The following PDE4D variants were observed in gnomAD, a reference collection of about 807,000 sequenced individuals.
PDE4D encodes phosphodiesterase 4D.
In PDE4D, 24 loss-of-function variants were observed where a neutral mutation model predicts 87.4. That is an observed-to-expected ratio of 0.27 (90% confidence interval 0.20 to 0.39). PDE4D has a LOEUF of 0.39. PDE4D is among the 10% of genes least tolerant of loss of function. PDE4D has a pLI of 1.00. For missense variants in PDE4D, 714 were observed against 1,041.0 expected (o/e 0.69, Z 4.32); for synonymous variants, 384 against 383.2 (o/e 1.00, Z -0.02).
Position 58,975,915 on chromosome 5 carries a change from T to C in PDE4D, c.1831-76A>G. The C allele has an allele frequency of 9.2e-7, 1 of 1,086,212 alleles. No homozygotes were observed. The highest frequency in any genetic ancestry group is 3.0e-5 in the Admixed American group (1 of 33,862). The allele number at this position is 1,086,212 out of a possible 1,614,324, so 67.3% of individuals were successfully genotyped here. A position where few individuals can be genotyped will look rare whatever the true frequency, so the allele number is the denominator to read the frequency against. On this transcript the variant is annotated intron_variant, in intron 13 of 14. Coordinates refer to ENST00000340635, the MANE Select transcript of PDE4D (RefSeq NM_001104631.2). The surrounding 1 kb of genome is among the most constrained non-coding windows in gnomAD (Gnocchi z 4.2). Reference sequence around the variant, plus strand: ...AAAAAAAACAAAAAAAACTAGAAATTCACATTGGATGACTGCAACACTTAA... The same window carrying C: ...AAAAAAAACAAAAAAAACTAGAAATCCACATTGGATGACTGCAACACTTAA...
rs868854906 is a variant in PDE4D at position 60,385,241 on chromosome 5, C to T, written c.-90+102701G>A. The stretch of plus-strand genomic sequence containing the variant: ...AATGTAGGAGGGTATGGAAGAATGG[C>T]AAGTATGGGAAGGAACAATACTGGT... On this transcript the variant is annotated intron_variant, in intron 1 of 16. Coordinates refer to the PDE4D transcript ENST00000502484. Among the ~76,000 whole-genome samples, 8 of 152,240 alleles carry T rather than the reference C, an allele frequency of 5.3e-5. 1 individual carries two copies. In the Middle Eastern group the frequency reaches 0.014, roughly 259 times the overall value.
upstream of PDE4D, among the ~76,000 whole-genome samples, chr5:60,488,600 T>C (rs115911710): frequency 9.9e-5 from 15 of 151,906 alleles, no homozygotes; most frequent in African/African-American, 3.6e-4. Context: ...GTACCTGAAA[T>C]AAACTTGAAA....
At chr5:59,910,391 C>T (rs1343280875) in intron 3 of PDE4D, among the ~76,000 whole-genome samples, 1 of 152,208 alleles carries the variant, frequency 6.6e-6, no homozygotes, top group African/African-American at 2.4e-5. Context: ...CTGAATTGCA[C>T]ATCGTCTACT....
At chr5:59,612,351 G>A (rs529582790) in intron 1 of PDE4D, among the ~76,000 whole-genome samples, 49 of 151,030 alleles carry the variant, frequency 3.2e-4, no homozygotes, top group Non-Finnish European at 6.3e-4. Flanking sequence ...TTGGATTATC[G>A]TATTTGAATA....
chr5:60,402,565 A>G (rs1741184986), intron 1 of PDE4D, among the ~76,000 whole-genome samples: 2 of 152,216 alleles, frequency 1.3e-5, no homozygotes. Flanking sequence ...AGCTTCTGGC[A>G]GTCCGTGGTT....
At chr5:59,182,144 G>C (rs1212075447) in intron 4 of PDE4D, among the ~76,000 whole-genome samples, 1 of 151,948 alleles carries the variant, frequency 6.6e-6, no homozygotes, top group Non-Finnish European at 1.5e-5. Flanking sequence ...AAAATGGTTG[G>C]GGGAAAAATG....
At chr5:59,710,143 C>A (rs1753999387) in intron 1 of PDE4D, among the ~76,000 whole-genome samples, 1 of 152,066 alleles carries the variant, frequency 6.6e-6, no homozygotes, top group Admixed American at 6.6e-5. Flanking sequence ...TGGCTCAGTG[C>A]CCAGGGAAGT....
intron 1 of PDE4D, among the ~76,000 whole-genome samples, chr5:59,371,395 A>G (rs1783912026): frequency 2.6e-5 from 4 of 152,200 alleles, no homozygotes; most frequent in Admixed American, 2.6e-4. Flanking sequence ...AGAGGCAGAG[A>G]GACAATGTCG....
intron 1 of PDE4D, among the ~76,000 whole-genome samples, chr5:60,432,477 T>C (rs1409977488): frequency 6.6e-6 from 1 of 152,178 alleles, no homozygotes; most frequent in Non-Finnish European, 1.5e-5. Flanking sequence ...CCTGGTTCAG[T>C]CTCGAGAGGT....
At chr5:60,439,920 A>AAC (rs1157940916) in intron 1 of PDE4D, among the ~76,000 whole-genome samples, 2 of 122,704 alleles carry the variant, frequency 1.6e-5, no homozygotes, top group African/African-American at 7.0e-5. Flanking sequence ...ATTGTTTAAA[A>AAC]AAAAAAACAA....
chr5:59,106,820 T>A (rs951160185), intron 5 of PDE4D, among the ~76,000 whole-genome samples: 9 of 152,278 alleles, frequency 5.9e-5, no homozygotes, highest in Admixed American at 2.0e-4. Context: ...TATACTACTT[T>A]GGAAAAAACA....
intron 1 of PDE4D, among the ~76,000 whole-genome samples, chr5:59,247,407 C>T (rs1032083896): frequency 3.9e-5 from 6 of 152,104 alleles, no homozygotes; most frequent in Admixed American, 3.9e-4. Context: ...AAAAGAGGCC[C>T]TGCCCATTGT....
chr5:59,460,609 C>T (rs1221982399), intron 1 of PDE4D, among the ~76,000 whole-genome samples: 2 of 152,300 alleles, frequency 1.3e-5, no homozygotes, highest in East Asian at 3.9e-4. Context: ...CCCAGCCCAT[C>T]TGGAGAGGCC....
At chr5:60,487,009 C>A (rs994098060) in intron 1 of PDE4D, among the ~76,000 whole-genome samples, 2 of 152,148 alleles carry the variant, frequency 1.3e-5, no homozygotes, top group African/African-American at 4.8e-5. Flanking sequence ...TAGGGGAAAT[C>A]AATAATGATT....
intron 6 of PDE4D, among the ~76,000 whole-genome samples, chr5:59,002,245 G>A (rs1419467519): frequency 6.6e-6 from 1 of 152,146 alleles, no homozygotes; most frequent in South Asian, 2.1e-4. Context: ...AATCTTTTGT[G>A]CACAATCACT....
chr5:60,112,725 C>A (rs1469623955), intron 2 of PDE4D, among the ~76,000 whole-genome samples: 1 of 152,094 alleles, frequency 6.6e-6, no homozygotes, highest in African/African-American at 2.4e-5. Context: ...GGCCATAACA[C>A]CCTCTGCCGA....
intron 1 of PDE4D, among the ~76,000 whole-genome samples, chr5:60,449,532 T>C (rs1241338630): frequency 2.7e-5 from 4 of 149,070 alleles, no homozygotes; most frequent in Non-Finnish European, 6.0e-5. Flanking sequence ...CTGGGAGATA[T>C]ACCTAATGCT....
intron 1 of PDE4D, among the ~76,000 whole-genome samples, chr5:59,419,451 T>C (rs1418309381): frequency 6.6e-6 from 1 of 152,220 alleles, no homozygotes; most frequent in Admixed American, 6.5e-5. Context: ...ATCTTAATGT[T>C]GTGGACAGTT....
At chr5:59,797,227 C>G (rs1246595323) in intron 1 of PDE4D, 1 of 151,690 alleles carries the variant, frequency 6.6e-6, no homozygotes, top group Non-Finnish European at 1.5e-5. Flanking sequence ...AATAGAAGAC[C>G]TGTTGCTTGT....
Sources: allele counts gnomAD v4.1 joint callset (sites outside exome capture counted in the v4.1 genomes callset), GRCh38; gene constraint gnomAD v4.1.1; non-coding constraint Gnocchi (gnomAD v3.1); transcripts MANE v1.5; gene names NCBI Gene and HGNC (gene_info 2026-07-23, HGNC 2026-07-21).